MTA3: variants seen among roughly 807,000 people sequenced by gnomAD.
MTA3 encodes metastasis associated 1 family member 3, also known as metastasis-associated protein MTA3.
A neutral mutation model predicts 83.5 loss-of-function variants in MTA3; 34 were observed. The observed-to-expected ratio is 0.41, with a 90% CI of 0.31 to 0.54. The LOEUF is 0.54. Among genes scored for constraint, MTA3 ranks in the 20% least tolerant of loss-of-function variants. MTA3 has a pLI of 0.33. For missense variants in MTA3, 761 were observed against 726.4 expected, an observed-to-expected ratio of 1.05 and a Z score of -0.55; for synonymous variants, 303 against 252.7, an observed-to-expected ratio of 1.20 and a Z score of -1.89.
intron 3 of MTA3, among the ~76,000 whole-genome samples, chr2:42,599,614 T>C (rs1450254875): frequency 3.3e-5 from 5 of 151,954 alleles, no homozygotes; most frequent in Admixed American, 6.6e-5. Flanking sequence ...AGAGTAGTGG[T>C]AATTCATGTG....
At chr2:42,676,752 T>G (rs1313222958) in intron 8 of MTA3, among the ~76,000 whole-genome samples, 2 of 152,168 alleles carry the variant, frequency 1.3e-5, no homozygotes, top group Non-Finnish European at 2.9e-5. Context: ...GGCAACAGAG[T>G]GAGACCCTGT....
Position 42,755,075 on chromosome 2 carries a change from G to A in MTA3, c.*1676G>A, listed in dbSNP as rs1670150877. 23 of 985,450 alleles carry A rather than the reference G, an allele frequency of 2.3e-5. 1 individual carries two copies. In the South Asian group the frequency reaches 9.4e-4, roughly 40 times the overall value. 61.0% of individuals were successfully genotyped at this position (985,450 alleles called of 1,614,324 possible). A position where few individuals can be genotyped will look rare whatever the true frequency, so the allele number is the denominator to read the frequency against. On this transcript the variant is annotated 3_prime_UTR_variant, in exon 17 of 17. Coordinates refer to ENST00000405094, the MANE Select transcript of MTA3 (RefSeq NM_001330442.2). ...TGAGAGGGGTGGAGGTGGCAGGCAG[G>A]GGTTCTCCTCAGGGTTCCCACTGAG... is the stretch of plus-strand genomic sequence containing the variant.
chr2:42,593,762 G>C (rs1681326185), intron 3 of MTA3, among the ~76,000 whole-genome samples: 1 of 151,936 alleles, frequency 6.6e-6, no homozygotes, highest in Non-Finnish European at 1.5e-5. Context: ...TGGAACCTGT[G>C]AATAGCCACT....
intron 16 of MTA3, among the ~76,000 whole-genome samples, chr2:42,750,571 G>T (rs1485601643): frequency 1.3e-5 from 2 of 152,172 alleles, no homozygotes; most frequent in Non-Finnish European, 2.9e-5. Flanking sequence ...AGTTTCTTTC[G>T]ATATTTTCTC....
intron 2 of MTA3, among the ~76,000 whole-genome samples, chr2:42,517,211 C>G (rs1157309703): frequency 6.7e-6 from 1 of 149,346 alleles, no homozygotes; most frequent in South Asian, 2.1e-4. Flanking sequence ...AGTGAGCCGA[C>G]ATCATGCCAC....
At chr2:42,677,253 C>T (rs1691447161) in intron 8 of MTA3, among the ~76,000 whole-genome samples, 1 of 152,088 alleles carries the variant, frequency 6.6e-6, no homozygotes, top group South Asian at 2.1e-4. Context: ...GGAGGGACCA[C>T]CGGGGGAGAT....
intron 6 of MTA3, among the ~76,000 whole-genome samples, chr2:42,645,225 A>T (rs1688065388): frequency 6.7e-6 from 1 of 150,050 alleles, no homozygotes; most frequent in Non-Finnish European, 1.5e-5. Context: ...CACATGAATG[A>T]TAAAAAAAAG....
rs1670238471 is a variant in MTA3 at position 42,756,343 on chromosome 2, G to C, written c.*2944G>C. On this transcript the variant is annotated 3_prime_UTR_variant, in exon 17 of 17. Transcript: ENST00000405094. ...CTCTCCCCTCCTCTTGGCCTCCAGA[G>C]TCCTGCAGGTGCCTCACAGTAGTGA... is the stretch of plus-strand genomic sequence containing the variant. 1.4e-5 allele frequency: 7 copies of C among 508,952 alleles called. No homozygotes were observed. The highest frequency in any genetic ancestry group is 1.8e-5 in the Non-Finnish European group (7 of 394,216). 31.5% of individuals were successfully genotyped at this position (508,952 alleles called of 1,614,324 possible).
chr2:42,652,378 A>G (rs1688801265), intron 6 of MTA3, among the ~76,000 whole-genome samples: 1 of 152,156 alleles, frequency 6.6e-6, no homozygotes, highest in Non-Finnish European at 1.5e-5. Context: ...ATCTCCCCCC[A>G]TCCCCCCACG....
chr2:42,752,417 T>C (rs2104609880), intron 16 of MTA3: 1 of 366,120 alleles, frequency 2.7e-6, no homozygotes, highest in East Asian at 7.4e-5. Flanking sequence ...TCCTAGCCAC[T>C]TTCCTAATAA....
At chr2:42,562,196 A>G (rs1677703207) in intron 2 of MTA3, among the ~76,000 whole-genome samples, 1 of 152,138 alleles carries the variant, frequency 6.6e-6, no homozygotes, top group South Asian at 2.1e-4. Flanking sequence ...TCCTAATCTC[A>G]GGATAATCTC....
intron 4 of MTA3, among the ~76,000 whole-genome samples, chr2:42,639,561 T>C (rs1202271055): frequency 6.6e-6 from 1 of 152,228 alleles, no homozygotes; most frequent in Admixed American, 6.5e-5. Context: ...ATGTAAGTGC[T>C]GTCAGACCTC....
intron 4 of MTA3, among the ~76,000 whole-genome samples, chr2:42,635,209 AT>A (rs1346727192): frequency 6.6e-6 from 1 of 152,016 alleles, no homozygotes; most frequent in Non-Finnish European, 1.5e-5. Flanking sequence ...TCTGATCTTT[AT>A]TTTTTTATTT....
intron 2 of MTA3, among the ~76,000 whole-genome samples, chr2:42,510,477 C>A (rs1179575710): frequency 6.6e-6 from 1 of 152,030 alleles, no homozygotes; most frequent in African/African-American, 2.4e-5. Context: ...CCCTTCTGTC[C>A]CTGGAGGAAG....
upstream of MTA3, among the ~76,000 whole-genome samples, chr2:42,564,488 C>T (rs534806249): frequency 9.6e-4 from 146 of 152,294 alleles, no homozygotes; most frequent in Non-Finnish European, 7.1e-4. Flanking sequence ...TTCTTGCCAT[C>T]ATATGCCTAC....
chr2:42,534,551 C>G (rs1271389510), intron 2 of MTA3, among the ~76,000 whole-genome samples: 1 of 151,686 alleles, frequency 6.6e-6, no homozygotes, highest in Non-Finnish European at 1.5e-5. Context: ...GAGCCAAGAT[C>G]GAGCCACCGC....
chr2:42,706,778 A>G (rs893639387), intron 12 of MTA3, among the ~76,000 whole-genome samples: 1 of 152,220 alleles, frequency 6.6e-6, no homozygotes, highest in East Asian at 1.9e-4. Flanking sequence ...CTGTTAAATC[A>G]TCTGAGTTTT....
chr2:42,577,811 T>C (rs962770439), intron 2 of MTA3, among the ~76,000 whole-genome samples: 8 of 152,166 alleles, frequency 5.3e-5, no homozygotes, highest in African/African-American at 1.9e-4. Flanking sequence ...GAGACAAAAA[T>C]CACATTGAAA....
chr2:42,713,719 G>C (rs4953583), intron 14 of MTA3, among the ~76,000 whole-genome samples: 1 of 152,070 alleles, frequency 6.6e-6, no homozygotes, highest in Middle Eastern at 3.2e-3. Flanking sequence ...GTCCCTTGCT[G>C]CTTTTTACTT....
Sources: gnomAD v4.1 joint callset for allele counts (sites outside exome capture counted in the v4.1 genomes callset) on GRCh38, gnomAD v4.1.1 for gene constraint, MANE v1.5 for transcripts, NCBI Gene and HGNC (gene_info 2026-07-23, HGNC 2026-07-21) for gene names.